Variants in HAS1 observed in about 807,000 individuals in gnomAD.
The protein encoded by HAS1 is hyaluronan synthase 1, also known as HA synthase 1.
In HAS1, 27 loss-of-function variants were observed where a neutral mutation model predicts 35.0. That is an observed-to-expected ratio of 0.77 (90% CI 0.57 to 1.06). The LOEUF is 1.06. Among genes scored for constraint, HAS1 ranks in the 50% least tolerant of loss-of-function variants. The probability of loss-of-function intolerance (pLI) is 0.00; values close to 1 mark genes in which losing one functional copy is unlikely to be tolerated. For missense variants in HAS1, 940 were observed against 814.8 expected (o/e 1.15, Z -1.87); for synonymous variants, 409 against 371.2 (o/e 1.10, Z -1.17).
In HAS1 at chr19:51,719,277, G is replaced by T. The variant is rs374038790; in HGVS notation, c.628C>A (p.Arg210Ser). 6.2e-7 allele frequency: 1 copy of T among 1,610,984 alleles called. No individual in the cohort carries two copies. Among genetic ancestry groups the T allele is most frequent in the Non-Finnish European group, 8.5e-7 (1 of 1,178,980 alleles). ...RTRRCVCVAQ[R>S]WGGKREVMYT... ...ATGACCTCGCGCTTGCCGCCCCAGCGCTGCGCCACGCACACGCACCTGCGA... is the reference window on the plus strand; with the variant it reads ...ATGACCTCGCGCTTGCCGCCCCAGCTCTGCGCCACGCACACGCACCTGCGA... Residue 210 changes from arginine to serine, a missense_variant, in exon 2 of 5, where the codon CGC (arginine) becomes AGC (serine). Arg to Ser is a moderately radical substitution (Grantham distance 110). Coordinates refer to ENST00000540069, the MANE Select transcript of HAS1 (RefSeq NM_001297436.2).
At chr19:51,723,531 C>T (rs950531154) in intron 1 of HAS1, among the ~76,000 whole-genome samples, 2 of 152,282 alleles carry the variant, frequency 1.3e-5, no homozygotes, top group Admixed American at 6.5e-5. Context: ...AATCCATTCC[C>T]ATGTGCCACA....
rs58597876 is a variant in HAS1 at position 51,723,884 on chromosome 19, TACACACAC to T, written c.9+33_9+40del. 3.9e-3 allele frequency: 4,770 copies of T among 1,228,952 alleles called. 8 individuals are homozygous for T. Among genetic ancestry groups the T allele is most frequent in the South Asian group, 4.4e-3 (297 of 66,940 alleles). 76.1% of individuals were successfully genotyped at this position (1,228,952 alleles called of 1,614,324 possible). A position where few individuals can be genotyped will look rare whatever the true frequency, so the allele number is the denominator to read the frequency against. On this transcript the variant is annotated intron_variant, in intron 1 of 4. Transcript: ENST00000540069. Reference sequence around the variant, plus strand: ...CAGTAGTTTTCCCCACATGGCTGTATACACACACACACACACACACACACACACACACA... The same window carrying T: ...CAGTAGTTTTCCCCACATGGCTGTATACACACACACACACACACACACACA...
In HAS1 at chr19:51,713,664, G is replaced by T; in HGVS notation, c.1497C>A (p.Tyr499Ter). 1 of 1,581,498 alleles carries T rather than the reference G, an allele frequency of 6.3e-7. No homozygotes were observed. The change falls in exon 5 of 5, where the codon TAC becomes TAA. Residue 499 changes from tyrosine to a stop codon, truncating the protein, a stop_gained. Transcript: ENST00000540069. LOFTEE classifies it low-confidence loss of function (END_TRUNC). The surrounding 1 kb of genome is among the most constrained non-coding windows in gnomAD (Gnocchi z 4.5). ...TSGRRKLAAN[Y>*]VPLLPLALWA... Reference sequence around the variant, plus strand: ...AGAGCGCCAGGGGCAGCAGAGGGACGTAGTTAGCGGCCAGCTTCCGCCGGC... The same window carrying T: ...AGAGCGCCAGGGGCAGCAGAGGGACTTAGTTAGCGGCCAGCTTCCGCCGGC...
chr19:51,718,950 G>A (rs1303819309), intron 2 of HAS1, among the ~76,000 whole-genome samples: 1 of 152,152 alleles, frequency 6.6e-6, no homozygotes, highest in African/African-American at 2.4e-5. Flanking sequence ...GAATGCGTAG[G>A]TGAATGAAAA....
In HAS1 at chr19:51,713,805, C is replaced by T. The variant is rs1177476974; in HGVS notation, c.1356G>A (p.Arg452=). The T allele has an allele frequency of 1.2e-6, 2 of 1,606,312 alleles. No homozygotes were observed. The highest frequency in any genetic ancestry group is 1.7e-6 in the Non-Finnish European group (2 of 1,177,374). The change falls in exon 5 of 5, where the codon CGG becomes CGA. Residue 452 remains arginine, a synonymous_variant. Transcript: ENST00000540069. The surrounding 1 kb of genome is among the most constrained non-coding windows in gnomAD (Gnocchi z 4.5). ...ACAGAAGCACCATGCGCAGGCAGCC[C>T]CGCAGCCAGGCCGCGAAGGCCGCCT... ...LAKAAFAAWL[R]GCLRMVLLSL... is the part of the protein sequence containing the mutation.
intron 2 of HAS1, among the ~76,000 whole-genome samples, chr19:51,718,287 T>C (rs12979061): frequency 6.7e-6 from 1 of 150,256 alleles, no homozygotes; most frequent in Non-Finnish European, 1.5e-5. Flanking sequence ...ATGAGATAAA[T>C]AAATGAAATT....
rs1371308173 is a variant in HAS1 at position 51,713,799 on chromosome 19, G to C, written c.1362C>G (p.Cys454Trp). 3 of 1,605,162 alleles carry C rather than the reference G, an allele frequency of 1.9e-6. No homozygotes were observed. Among genetic ancestry groups the C allele is most frequent in the Non-Finnish European group, 2.5e-6 (3 of 1,176,820 alleles). Residue 454 changes from cysteine (C) to tryptophan (W), a missense_variant, in exon 5 of 5, where the codon TGC becomes TGG. Cys to Trp is a radical substitution (Grantham distance 215). Coordinates refer to ENST00000540069, the MANE Select transcript of HAS1 (RefSeq NM_001297436.2). The surrounding 1 kb of genome is among the most constrained non-coding windows in gnomAD (Gnocchi z 4.5). ...KAAFAAWLRG[C>W]LRMVLLSLYA... ...AGAGCGACAGAAGCACCATGCGCAGGCAGCCCCGCAGCCAGGCCGCGAAGG... is the reference window on the plus strand; with the variant it reads ...AGAGCGACAGAAGCACCATGCGCAGCCAGCCCCGCAGCCAGGCCGCGAAGG...
At position 51,717,030 on chromosome 19, in the gene HAS1, A is replaced by T. The variant is rs1462272261; in HGVS notation, c.863T>A (p.Phe288Tyr). ...FLSSLRYWVA[F>Y]NVERACQSYF... Reference sequence around the variant, plus strand: ...GCTCTGACAAGCCCGCTCCACATTGAAGGCTACCCAGTATCGCAGGCTGCT... The same window carrying T: ...GCTCTGACAAGCCCGCTCCACATTGTAGGCTACCCAGTATCGCAGGCTGCT... The change falls in exon 3 of 5, where the codon TTC (phenylalanine) becomes TAC (tyrosine). Residue 288 changes from phenylalanine to tyrosine, a missense_variant. Transcript: ENST00000540069. 1 of 1,614,120 alleles carries T rather than the reference A, an allele frequency of 6.2e-7. No individual in the cohort carries two copies. The highest frequency in any genetic ancestry group is 8.5e-7 in the Non-Finnish European group (1 of 1,180,006).
intron 3 of HAS1, among the ~76,000 whole-genome samples, 189 bp downstream of exon 3, chr19:51,716,779 C>T (rs2083589377): frequency 6.6e-6 from 1 of 152,056 alleles, no homozygotes. Flanking sequence ...TTTCCAACCT[C>T]ACTCCCCACA....
Position 51,713,498 on chromosome 19 carries a change from A to G in HAS1, c.1663T>C (p.Leu555=). The part of the protein sequence containing the change: ...GAYVGYWVAM[L]TLYWVGVRRL... ...CGCACGCCCACCCAGTACAGCGTCA[A>G]CATGGCCACCCAGTAGCCCACGTAG... Residue 555 remains leucine (L), a synonymous_variant, in exon 5 of 5, where the codon TTG becomes CTG. Coordinates refer to ENST00000540069, the MANE Select transcript of HAS1 (RefSeq NM_001297436.2). The surrounding 1 kb of genome is among the most constrained non-coding windows in gnomAD (Gnocchi z 4.5). 1 of 1,606,536 alleles carries G rather than the reference A, an allele frequency of 6.2e-7. No individual in the cohort carries two copies.
At chr19:51,722,402 G>A (rs2083637421) in intron 1 of HAS1, among the ~76,000 whole-genome samples, 1 of 152,194 alleles carries the variant, frequency 6.6e-6, no homozygotes. Flanking sequence ...ATCTAAGTGA[G>A]AAGTGCTATG....
Position 51,713,999 on chromosome 19 carries a change from A to G in HAS1, c.1162T>C (p.Tyr388His). The change falls in exon 5 of 5, where the codon TAC (tyrosine) becomes CAC (histidine). Residue 388 changes from tyrosine to histidine, a missense_variant. Tyr to His is a moderately conservative substitution (Grantham distance 83). Transcript: ENST00000540069. This position sits in a 1 kb window ranked among gnomAD's most constrained non-coding sequence, Gnocchi z 4.5. Reference protein sequence around the residue: ...WSKSYFREWLYNALWWHRHHA... With the variant: ...WSKSYFREWLHNALWWHRHHA... Reference sequence around the variant, plus strand: ...TGCCGGTGCCACCAGAGCGCGTTGTACAGCCACTCACGGAAGTACGACTTG... The same window carrying G: ...TGCCGGTGCCACCAGAGCGCGTTGTGCAGCCACTCACGGAAGTACGACTTG... 3 of 1,613,816 alleles carry G rather than the reference A, an allele frequency of 1.9e-6. No homozygotes were observed. Among genetic ancestry groups the G allele is most frequent in the Non-Finnish European group, 2.5e-6 (3 of 1,179,966 alleles).
intron 4 of HAS1, 146 bp from the exon 5 acceptor site, chr19:51,714,248 G>A: frequency 7.6e-7 from 1 of 1,319,532 alleles, no homozygotes; most frequent in Non-Finnish European, 1.0e-6. Flanking sequence ...GTGTAGAATA[G>A]GGTGGATAAT....
chr19:51,719,289 A>C lies in HAS1; in HGVS notation c.616T>G (p.Cys206Gly). ...TTGCCGCCCCAGCGCTGCGCCACGC[A>C]CACGCACCTGCGAGTCCTCACCAGC... is the stretch of plus-strand genomic sequence containing the variant. The part of the protein sequence containing the change: ...EALVRTRRCV[C>G]VAQRWGGKRE... The change falls in exon 2 of 5, where the codon TGC becomes GGC. Residue 206 changes from cysteine (C) to glycine (G), a missense_variant. Cys to Gly is a radical substitution (Grantham distance 159). Coordinates refer to ENST00000540069, the MANE Select transcript of HAS1 (RefSeq NM_001297436.2). 1 of 1,612,100 alleles carries C rather than the reference A, an allele frequency of 6.2e-7. No individual in the cohort carries two copies. Among genetic ancestry groups the C allele is most frequent in the Non-Finnish European group, 8.5e-7 (1 of 1,179,370 alleles).
In HAS1 at chr19:51,719,283, C is replaced by CCACGCA. The variant is rs2083606949; in HGVS notation, c.616_621dup (p.Cys206_Val207dup). On this transcript the variant is annotated inframe_insertion, in exon 2 of 5. Coordinates refer to ENST00000540069, the MANE Select transcript of HAS1 (RefSeq NM_001297436.2). ...TCGCGCTTGCCGCCCCAGCGCTGCG[C>CCACGCA]CACGCACACGCACCTGCGAGTCCTC... 6.8e-6 allele frequency: 11 copies of CCACGCA among 1,611,754 alleles called. No homozygotes were observed. The highest frequency in any genetic ancestry group is 1.7e-5 in the Admixed American group (1 of 59,828).
Position 51,719,651 on chromosome 19 carries a change from C to A in HAS1, c.254G>T (p.Arg85Leu). The A allele has an allele frequency of 6.5e-7, 1 of 1,539,576 alleles. No individual in the cohort carries two copies. Among genetic ancestry groups the A allele is most frequent in the Non-Finnish European group, 8.7e-7 (1 of 1,145,822 alleles). The change falls in exon 2 of 5, where the codon CGG becomes CTG. Residue 85 changes from arginine to leucine, a missense_variant. Physicochemically the swap from Arg to Leu is moderately radical, Grantham distance 102 (BLOSUM62 -2). Coordinates refer to ENST00000540069, the MANE Select transcript of HAS1 (RefSeq NM_001297436.2). ...CGCGGTGGCTGCATCCAGCGGCCCC[C>A]GCGCCGCCGCCGCCACCCGCCGGTG... ...LEHRRVAAAA[R>L]GPLDAATARS...
At chr19:51,721,781 A>G (rs894877145) in intron 1 of HAS1, among the ~76,000 whole-genome samples, 4 of 152,002 alleles carry the variant, frequency 2.6e-5, no homozygotes, top group African/African-American at 9.7e-5. Context: ...AATAATAATA[A>G]TAATAGAGAC....
chr19:51,713,412 T>C lies in HAS1; in HGVS notation c.*15A>G, dbSNP rs1422008749. 2.0e-6 allele frequency: 3 copies of C among 1,485,598 alleles called. No individual in the cohort carries two copies. The Admixed American group carries it at 7.1e-5, about 35-fold the overall frequency. The allele number at this position is 1,485,598 out of a possible 1,614,324, so 92.0% of individuals were successfully genotyped here. The stretch of plus-strand genomic sequence containing the variant: ...TCCCCTGAAGACCCTTGAGGCGGCA[T>C]CCGCGTGGCTGGACTCACACCTGGA... On this transcript the variant is annotated 3_prime_UTR_variant, in exon 5 of 5. Coordinates refer to ENST00000540069, the MANE Select transcript of HAS1 (RefSeq NM_001297436.2). The surrounding 1 kb of genome is among the most constrained non-coding windows in gnomAD (Gnocchi z 4.5).
Position 51,713,927 on chromosome 19 carries a change from A to G in HAS1, c.1234T>C (p.Phe412Leu). 1.2e-5 allele frequency: 19 copies of G among 1,609,144 alleles called. No individual in the cohort carries two copies. The highest frequency in any genetic ancestry group is 1.6e-5 in the Non-Finnish European group (19 of 1,179,988). ...YEAVVSGLFP[F>L]FVAATVLRLF... Reference sequence around the variant, plus strand: ...CGCAGCACAGTGGCCGCCACGAAGAAGGGGAACAGGCCGGAGACCACCGCC... The same window carrying G: ...CGCAGCACAGTGGCCGCCACGAAGAGGGGGAACAGGCCGGAGACCACCGCC... Residue 412 changes from phenylalanine (F) to leucine (L), a missense_variant, in exon 5 of 5, where the codon TTC (phenylalanine) becomes CTC (leucine). By Grantham distance (22) the Phe-to-Leu change is conservative. Transcript: ENST00000540069. The surrounding 1 kb of genome is among the most constrained non-coding windows in gnomAD (Gnocchi z 4.5).
Sources: gnomAD v4.1 joint callset for allele counts (sites outside exome capture counted in the v4.1 genomes callset) on GRCh38, gnomAD v4.1.1 for gene constraint, Gnocchi (gnomAD v3.1) non-coding constraint, MANE v1.5 for transcripts, NCBI Gene and HGNC (gene_info 2026-07-23, HGNC 2026-07-21) for gene names.